The following CBLB variants were observed in gnomAD, a reference collection of about 807,000 sequenced individuals.
CBLB encodes E3 ubiquitin-protein ligase CBL-B.
A neutral mutation model predicts 104.9 loss-of-function variants in CBLB; 31 were observed. The observed-to-expected ratio is 0.30, with a 90% CI of 0.22 to 0.40. CBLB has a LOEUF of 0.40. Among genes scored for constraint, CBLB ranks in the 10% least tolerant of loss-of-function variants. The pLI, the probability that CBLB is intolerant of heterozygous loss-of-function variation, is 1.00. For missense variants in CBLB, 1,062 were observed against 1,214.6 expected (o/e 0.87, Z 1.87); for synonymous variants, 440 against 422.6 (o/e 1.04, Z -0.51).
intron 2 of CBLB, among the ~76,000 whole-genome samples, chr3:105,856,114 G>A (rs2091565504): frequency 6.6e-6 from 1 of 152,128 alleles, no homozygotes; most frequent in South Asian, 2.1e-4. Flanking sequence ...CACTTTGGGA[G>A]GCCGAGACAG....
chr3:105,754,535 G>C (rs867720075), intron 4 of CBLB, among the ~76,000 whole-genome samples: 7,308 of 114,024 alleles, frequency 0.064, 196 homozygotes, highest in East Asian at 0.11. Context: ...GAGAGAGAGA[G>C]AGAGAGAGAG....
intron 4 of CBLB, among the ~76,000 whole-genome samples, chr3:105,758,190 T>C (rs1284066280): frequency 3.9e-5 from 6 of 152,110 alleles, no homozygotes; most frequent in Admixed American, 3.9e-4. Context: ...GGAAAAGCAA[T>C]TGTTTTCCAG....
chr3:105,702,487 A>AAAC, intron 11 of CBLB, 28 bp from the exon 12 acceptor site: 2 of 1,473,164 alleles, frequency 1.4e-6, no homozygotes, highest in Non-Finnish European at 9.0e-7. Flanking sequence ...AAAAAAAAAA[A>AAAC]AAAAAAAAAA....
intron 9 of CBLB, among the ~76,000 whole-genome samples, chr3:105,728,001 G>T (rs1418297101): frequency 6.6e-6 from 1 of 151,984 alleles, no homozygotes; most frequent in Non-Finnish European, 1.5e-5. Flanking sequence ...TTTTCTTTTT[G>T]CTTAGGATTG....
intron 6 of CBLB, among the ~76,000 whole-genome samples, chr3:105,742,814 A>G (rs1015116236): frequency 7.9e-5 from 12 of 152,200 alleles, no homozygotes; most frequent in Non-Finnish European, 1.8e-4. Flanking sequence ...GTAATTCCAA[A>G]TTTATTCATA....
At chr3:105,747,869 G>A (rs1233873352) in intron 5 of CBLB, among the ~76,000 whole-genome samples, 3 of 152,034 alleles carry the variant, frequency 2.0e-5, no homozygotes, top group Admixed American at 6.6e-5. Context: ...CAAAATACAA[G>A]TAAAAAAATT....
intron 3 of CBLB, among the ~76,000 whole-genome samples, chr3:105,845,999 C>G (rs1340230957): frequency 6.6e-6 from 1 of 152,054 alleles, no homozygotes; most frequent in Admixed American, 6.6e-5. Flanking sequence ...TACTATTTGT[C>G]TTCTGAATCC....
chr3:105,865,343 T>TG (rs1319537993), intron 2 of CBLB, among the ~76,000 whole-genome samples: 2 of 152,210 alleles, frequency 1.3e-5, no homozygotes, highest in Non-Finnish European at 2.9e-5. Flanking sequence ...ACAAAGCCCC[T>TG]GGGTACATTC....
chr3:105,698,906 A>T (rs928193271), intron 12 of CBLB, among the ~76,000 whole-genome samples: 2 of 152,108 alleles, frequency 1.3e-5, no homozygotes, highest in Non-Finnish European at 2.9e-5. Context: ...AGGAACAAAA[A>T]TCCTATTTTA....
Position 105,730,487 on chromosome 3 carries a change from T to G in CBLB, c.1203+3522A>C, listed in dbSNP as rs76451683. Reference sequence around the variant, plus strand: ...CTTTTACATTACCTAGCATGCAATCTATAAGTATTTACTGCGTAATGACCA... The same window carrying G: ...CTTTTACATTACCTAGCATGCAATCGATAAGTATTTACTGCGTAATGACCA... On this transcript the variant is annotated intron_variant, in intron 9 of 18. Transcript: ENST00000394030. Among the ~76,000 whole-genome samples, 929 of 152,200 alleles carry G rather than the reference T, an allele frequency of 6.1e-3. 30 individuals carry two copies. Among genetic ancestry groups the G allele is most frequent in the East Asian group, 0.051 (263 of 5,188 alleles).
chr3:105,867,073 T>C (rs934159021), intron 2 of CBLB, among the ~76,000 whole-genome samples: 5 of 152,216 alleles, frequency 3.3e-5, no homozygotes, highest in African/African-American at 9.7e-5. Context: ...TCTTTTGTTA[T>C]CTAAGAGCAA....
At chr3:105,747,660 C>T (rs1272580533) in intron 5 of CBLB, among the ~76,000 whole-genome samples, 1 of 152,124 alleles carries the variant, frequency 6.6e-6, no homozygotes, top group East Asian at 1.9e-4. Flanking sequence ...AAAATGTCAG[C>T]ATATATTTTA....
chr3:105,828,413 A>G (rs1362029886), intron 3 of CBLB, among the ~76,000 whole-genome samples: 1 of 152,244 alleles, frequency 6.6e-6, no homozygotes, highest in Admixed American at 6.5e-5. Flanking sequence ...CGACAAAACA[A>G]TTTTCATTAA....
chr3:105,862,703 C>A (rs1325278429), intron 2 of CBLB, among the ~76,000 whole-genome samples: 1 of 152,254 alleles, frequency 6.6e-6, no homozygotes, highest in Non-Finnish European at 1.5e-5. Flanking sequence ...TGGTTTTCTA[C>A]CAAATAAATT....
At chr3:105,776,726 T>TA (rs55803705) in intron 3 of CBLB, among the ~76,000 whole-genome samples, 184 bp from the exon 4 acceptor site, 212 of 152,306 alleles carry the variant, frequency 1.4e-3, no homozygotes, top group Non-Finnish European at 2.6e-3. Flanking sequence ...ATTGTACATT[T>TA]AAATTCCTAA....
At chr3:105,847,788 C>T (rs1429127592) in intron 3 of CBLB, among the ~76,000 whole-genome samples, 1 of 152,092 alleles carries the variant, frequency 6.6e-6, no homozygotes, top group Non-Finnish European at 1.5e-5. Context: ...GATTAATACA[C>T]ACTTTTCAGA....
intron 3 of CBLB, among the ~76,000 whole-genome samples, chr3:105,791,054 T>TA (rs111709828): frequency 1.1e-3 from 174 of 152,340 alleles, no homozygotes; most frequent in African/African-American, 4.0e-3. Flanking sequence ...AGGCATAATT[T>TA]AATCATTAGG....
At chr3:105,670,141 T>A in intron 18 of CBLB, 92 bp downstream of exon 18, 1 of 1,120,334 alleles carries the variant, frequency 8.9e-7, no homozygotes, top group Non-Finnish European at 1.3e-6. Context: ...ACAACATTCA[T>A]TAAATTATAT....
chr3:105,725,642 G>A (rs1000621012), intron 9 of CBLB, among the ~76,000 whole-genome samples: 1 of 152,026 alleles, frequency 6.6e-6, no homozygotes, highest in Admixed American at 6.6e-5. Context: ...TACTCCCAAC[G>A]TGAAAGGGAA....
Sources: allele counts gnomAD v4.1 joint callset (sites outside exome capture counted in the v4.1 genomes callset), GRCh38; gene constraint gnomAD v4.1.1; transcripts MANE v1.5; gene names NCBI Gene and HGNC (gene_info 2026-07-23, HGNC 2026-07-21).